The following VPS41 variants were observed in gnomAD, a reference collection of about 807,000 sequenced individuals.
The protein encoded by VPS41 is VPS41 subunit of HOPS complex, also known as vacuolar protein sorting-associated protein 41 homolog.
Under a neutral mutation model 130.9 loss-of-function variants are expected in VPS41, and 85 were observed. The ratio of observed to expected loss-of-function variants is 0.65; its 90% CI spans 0.55 to 0.78. The LOEUF (loss-of-function observed/expected upper bound fraction) is 0.78, where lower values mean the gene tolerates loss of function less well. Ranked by LOEUF, VPS41 falls within the 30% of genes least tolerant of loss-of-function variation. The pLI is 0.00. For missense variants in VPS41, 874 were observed against 1,018.7 expected (o/e 0.86, Z 1.93); for synonymous variants, 335 against 332.9 (o/e 1.01, Z -0.07).
chr7:38,885,533 T>A (rs1452151246), intron 2 of VPS41, among the ~76,000 whole-genome samples: 1 of 152,224 alleles, frequency 6.6e-6, no homozygotes, highest in African/African-American at 2.4e-5. Flanking sequence ...GTTAAGATAC[T>A]ACAATTTTGG....
At chr7:38,898,052 T>A (rs1173281072) in intron 2 of VPS41, 39 bp downstream of exon 2, 3 of 1,596,144 alleles carry the variant, frequency 1.9e-6, no homozygotes, top group African/African-American at 2.7e-5. Context: ...AACAACGTGG[T>A]GAGCTACAAA....
chr7:38,745,178 C>T (rs1010346849), intron 23 of VPS41, among the ~76,000 whole-genome samples: 1 of 152,092 alleles, frequency 6.6e-6, no homozygotes, highest in African/African-American at 2.4e-5. Flanking sequence ...ATTGCATTTC[C>T]TCTAGTTATT....
chr7:38,845,464 G>A (rs889242054), intron 4 of VPS41, among the ~76,000 whole-genome samples: 14 of 152,178 alleles, frequency 9.2e-5, no homozygotes, highest in East Asian at 7.7e-4. Context: ...AGGGTGAGGT[G>A]GATGAACAGC....
chr7:38,880,192 T>C (rs1326696067), intron 2 of VPS41, among the ~76,000 whole-genome samples: 2 of 152,124 alleles, frequency 1.3e-5, no homozygotes, highest in Non-Finnish European at 2.9e-5. Context: ...ATGATGTGTA[T>C]TACAACCCCA....
At position 38,817,272 on chromosome 7, in the gene VPS41, A is replaced by G. The variant is rs1785071925; in HGVS notation, c.450+545T>C. Among the ~76,000 whole-genome samples the G allele has an allele frequency of 1.3e-5, 2 of 152,214 alleles. 1 individual carries two copies. Among genetic ancestry groups the G allele is most frequent in the South Asian group, 4.1e-4 (2 of 4,824 alleles). On this transcript the variant is annotated intron_variant, in intron 7 of 28. Transcript: ENST00000310301. ...AATGTTTCAAAGCTCTAGATGTAAC[A>G]GCTCTCTTATTTTCTTGTCCTATAT... is the stretch of plus-strand genomic sequence containing the variant.
At chr7:38,743,325 A>G in intron 24 of VPS41, 77 bp downstream of exon 24, 1 of 1,538,390 alleles carries the variant, frequency 6.5e-7, no homozygotes, top group Non-Finnish European at 8.9e-7. Flanking sequence ...TGTATCTTGA[A>G]ATAGTTTTTA....
At chr7:38,768,247 T>G (rs1784086818) in intron 14 of VPS41, among the ~76,000 whole-genome samples, 1 of 152,212 alleles carries the variant, frequency 6.6e-6, no homozygotes, top group Admixed American at 6.5e-5. Flanking sequence ...GGAGGACAGC[T>G]CTTGCTTGAT....
chr7:38,776,767 A>C lies in VPS41; in HGVS notation c.794T>G (p.Phe265Cys). The C allele has an allele frequency of 6.2e-7, 1 of 1,605,288 alleles. No homozygotes were observed. Among genetic ancestry groups the C allele is most frequent in the South Asian group, 1.1e-5 (1 of 90,790 alleles). ...PSRYVEIVSQ[F>C]ETEFYISGLA... ...TCCACTGATGTAGAATTCAGTTTCAAACTGAGACACTGCAAACAAAAGGGA... is the reference window on the plus strand; with the variant it reads ...TCCACTGATGTAGAATTCAGTTTCACACTGAGACACTGCAAACAAAAGGGA... The change falls in exon 11 of 29, where the codon TTT (phenylalanine) becomes TGT (cysteine). Residue 265 changes from phenylalanine (F) to cysteine (C), a missense_variant. Physicochemically the swap from Phe to Cys is radical, Grantham distance 205. Transcript: ENST00000310301.
At chr7:38,834,568 G>A (rs1421271155) in intron 4 of VPS41, among the ~76,000 whole-genome samples, 2 of 152,166 alleles carry the variant, frequency 1.3e-5, no homozygotes, top group African/African-American at 4.8e-5. Context: ...AGAGAACACT[G>A]TGATTAGGAA....
At chr7:38,782,878 A>G (rs1784377914) in intron 10 of VPS41, among the ~76,000 whole-genome samples, 1 of 152,166 alleles carries the variant, frequency 6.6e-6, no homozygotes, top group Non-Finnish European at 1.5e-5. Flanking sequence ...GCAATTTGGG[A>G]GGCCGAGGTG....
chr7:38,791,491 A>G (rs1784535233), intron 9 of VPS41, among the ~76,000 whole-genome samples: 1 of 152,090 alleles, frequency 6.6e-6, no homozygotes, highest in Admixed American at 6.6e-5. Flanking sequence ...AGTGGGGGAG[A>G]CACAAAAATA....
intron 25 of VPS41, among the ~76,000 whole-genome samples, chr7:38,740,606 C>G (rs1469772694): frequency 6.6e-6 from 1 of 152,182 alleles, no homozygotes; most frequent in African/African-American, 2.4e-5. Flanking sequence ...TTTTGCGGAA[C>G]AGGTAATCTA....
intron 4 of VPS41, 52 bp from the exon 5 acceptor site, chr7:38,830,380 A>C (rs781292229): frequency 2.9e-6 from 3 of 1,041,744 alleles, no homozygotes; most frequent in Non-Finnish European, 4.6e-6. Flanking sequence ...AATATATATC[A>C]ACAATCAATG....
At chr7:38,865,605 T>A (rs1786212506) in intron 3 of VPS41, among the ~76,000 whole-genome samples, 1 of 152,224 alleles carries the variant, frequency 6.6e-6, no homozygotes, top group South Asian at 2.1e-4. Flanking sequence ...AGATGACAGC[T>A]GTGCTGAACT....
chr7:38,871,607 T>C (rs1247826073), intron 2 of VPS41, among the ~76,000 whole-genome samples: 1 of 152,158 alleles, frequency 6.6e-6, no homozygotes, highest in Non-Finnish European at 1.5e-5. Flanking sequence ...AAGTTCAAAT[T>C]CAGCTATGAG....
chr7:38,875,630 G>A lies in VPS41; in HGVS notation c.61-6377C>T, dbSNP rs75539010. On this transcript the variant is annotated intron_variant, in intron 2 of 28. Transcript: ENST00000310301. ...AAAACTACATAAACAAGCTGAAAGA[G>A]TAACTTCTGGTTTCCATTAATAACA... 8.5e-3 allele frequency among the ~76,000 whole-genome samples: 1,300 copies of A among 152,274 alleles called. 19 individuals carry two copies. The highest frequency in any genetic ancestry group is 0.03 in the African/African-American group (1,241 of 41,556).
At chr7:38,854,012 G>A (rs1785924975) in intron 4 of VPS41, among the ~76,000 whole-genome samples, 1 of 152,174 alleles carries the variant, frequency 6.6e-6, no homozygotes, top group South Asian at 2.1e-4. Flanking sequence ...CCACAAACTT[G>A]AGATTATTTT....
At chr7:38,746,339 G>C (rs1389899278) in intron 22 of VPS41, among the ~76,000 whole-genome samples, 1 of 151,770 alleles carries the variant, frequency 6.6e-6, no homozygotes, top group South Asian at 2.1e-4. Context: ...TATATTCTCT[G>C]TGCTGGGTGC....
intron 4 of VPS41, among the ~76,000 whole-genome samples, chr7:38,848,625 C>A (rs1187972881): frequency 6.6e-6 from 1 of 152,188 alleles, no homozygotes; most frequent in East Asian, 1.9e-4. Context: ...ATATAATTCT[C>A]AAAACCATCA....
Sources: allele counts gnomAD v4.1 joint callset (sites outside exome capture counted in the v4.1 genomes callset), GRCh38; gene constraint gnomAD v4.1.1; transcripts MANE v1.5; gene names NCBI Gene and HGNC (gene_info 2026-07-23, HGNC 2026-07-21).